ZNF827: variants seen among roughly 807,000 people sequenced by gnomAD.
ZNF827 encodes the protein zinc finger protein 827.
ZNF827 carries 13 observed loss-of-function variants against 102.4 expected under a neutral mutation model. The observed-to-expected ratio is 0.13, with a 90% CI of 0.08 to 0.20. The LOEUF (loss-of-function observed/expected upper bound fraction) is 0.20. ZNF827 is among the 10% of genes least tolerant of loss of function. The pLI, the probability that ZNF827 is intolerant of heterozygous loss-of-function variation, is 1.00. For missense variants in ZNF827, 1,103 were observed against 1,344.4 expected (o/e 0.82, Z 2.81); for synonymous variants, 523 against 536.2 (o/e 0.98, Z 0.34).
intron 8 of ZNF827, among the ~76,000 whole-genome samples, chr4:145,815,399 T>C (rs1742501676): frequency 6.6e-6 from 1 of 152,002 alleles, no homozygotes; most frequent in Non-Finnish European, 1.5e-5. Context: ...TAGCAGAAAA[T>C]GAAAAATGAA....
chr4:145,932,914 G>C (rs1478775243), intron 1 of ZNF827, among the ~76,000 whole-genome samples: 2 of 151,980 alleles, frequency 1.3e-5, no homozygotes, highest in African/African-American at 4.8e-5. Context: ...ATTTCCCTTC[G>C]AACTCTCCTA....
In ZNF827 at chr4:145,761,415, G is replaced by A; in HGVS notation, c.*201C>T. On this transcript the variant is annotated 3_prime_UTR_variant, in exon 15 of 15. Transcript: ENST00000508784. This position sits in a 1 kb window ranked among gnomAD's most constrained non-coding sequence, Gnocchi z 6.8. ...TGAGCTTGTTGGCGGTCTTGGACAG[G>A]TAGCCGCACTGGTCGCACTTGTAGT... 1.6e-6 allele frequency: 2 copies of A among 1,289,846 alleles called. No individual in the cohort carries two copies. Among genetic ancestry groups the A allele is most frequent in the Non-Finnish European group, 2.0e-6 (2 of 988,858 alleles). The allele number at this position is 1,289,846 out of a possible 1,614,324, so 79.9% of individuals were successfully genotyped here.
At chr4:145,909,928 G>A (rs959068412) in intron 1 of ZNF827, among the ~76,000 whole-genome samples, 9 of 152,182 alleles carry the variant, frequency 5.9e-5, no homozygotes, top group Non-Finnish European at 1.3e-4. Context: ...TCACAGGACA[G>A]AGACTCGGAG....
At chr4:145,840,615 GTTTCT>G (rs1375639294) in intron 7 of ZNF827, among the ~76,000 whole-genome samples, 2 of 152,132 alleles carry the variant, frequency 1.3e-5, no homozygotes, top group African/African-American at 2.4e-5. Context: ...TCTGTTTCTG[GTTTCT>G]TTTCTTAATT....
intron 8 of ZNF827, among the ~76,000 whole-genome samples, chr4:145,807,469 T>C (rs1412266181): frequency 6.6e-6 from 1 of 151,732 alleles, no homozygotes; most frequent in African/African-American, 2.4e-5. Flanking sequence ...TTCTTTTTCA[T>C]GTCCCAGTGC....
chr4:145,922,760 G>C (rs915203617), intron 1 of ZNF827, among the ~76,000 whole-genome samples: 2 of 152,184 alleles, frequency 1.3e-5, no homozygotes, highest in African/African-American at 4.8e-5. Context: ...AAGGATAACT[G>C]ACTATGGTCA....
At chr4:145,837,405 T>A (rs1180406304) in intron 7 of ZNF827, among the ~76,000 whole-genome samples, 1 of 152,172 alleles carries the variant, frequency 6.6e-6, no homozygotes, top group Admixed American at 6.5e-5. Context: ...TAAGCTCCTG[T>A]ATAGACGCTC....
chr4:145,823,355 C>A, intron 8 of ZNF827, 67 bp downstream of exon 8: 1 of 1,328,270 alleles, frequency 7.5e-7, no homozygotes, highest in South Asian at 1.2e-5. Context: ...TCTGAAAATT[C>A]ACACATTTCA....
intron 8 of ZNF827, 138 bp downstream of exon 8, chr4:145,823,283 GT>G: frequency 1.5e-6 from 1 of 661,824 alleles, no homozygotes; most frequent in Non-Finnish European, 2.5e-6. Context: ...CTTAAATTGA[GT>G]TTCTCCTTCT....
intron 1 of ZNF827, among the ~76,000 whole-genome samples, chr4:145,922,305 C>A (rs1306191275): frequency 1.3e-5 from 2 of 152,106 alleles, no homozygotes; most frequent in African/African-American, 4.8e-5. Context: ...TCCTCAAGAT[C>A]AAAACTGTTT....
chr4:145,924,914 T>C (rs1311480101), intron 1 of ZNF827, among the ~76,000 whole-genome samples: 2 of 152,328 alleles, frequency 1.3e-5, no homozygotes, highest in East Asian at 3.9e-4. Context: ...TTTTGGTTAA[T>C]GTATTAGTCT....
Position 145,765,161 on chromosome 4 carries a change from G to T in ZNF827, c.3057C>A (p.Phe1019Leu). The T allele has an allele frequency of 6.2e-7, 1 of 1,606,234 alleles. No individual in the cohort carries two copies. Among genetic ancestry groups the T allele is most frequent in the South Asian group, 1.1e-5 (1 of 88,952 alleles). ...LNSEEKPEKG[F>L]ECVFCNFVCK... ...AGACAAAGTTGCAAAAAACACATTC[G>T]AACCCTGCAAGGACCGAAGCTGGGT... The change falls in exon 13 of 15, where the codon TTC (phenylalanine) becomes TTA (leucine). Residue 1019 changes from phenylalanine to leucine, a missense_variant. Physicochemically the swap from Phe to Leu is conservative, Grantham distance 22. Transcript: ENST00000508784. The surrounding 1 kb of genome is among the most constrained non-coding windows in gnomAD (Gnocchi z 4.7).
chr4:145,936,741 G>A (rs1315651454), intron 1 of ZNF827, among the ~76,000 whole-genome samples: 1 of 152,074 alleles, frequency 6.6e-6, no homozygotes, highest in East Asian at 1.9e-4. Context: ...CACAGCCCGA[G>A]CCCGAGACAC....
chr4:145,935,838 G>C (rs1395922400), intron 1 of ZNF827, among the ~76,000 whole-genome samples: 3 of 152,106 alleles, frequency 2.0e-5, no homozygotes, highest in Non-Finnish European at 2.9e-5. Flanking sequence ...CAGGAGGTCA[G>C]GGTCAAGGTC....
intron 8 of ZNF827, among the ~76,000 whole-genome samples, chr4:145,819,372 G>A (rs528089865): frequency 5.3e-5 from 8 of 152,202 alleles, no homozygotes; most frequent in South Asian, 2.1e-4. Context: ...GAAGCTCCAC[G>A]TTGTTTAAAA....
chr4:145,909,798 T>C (rs2126919690), intron 1 of ZNF827, among the ~76,000 whole-genome samples: 1 of 152,316 alleles, frequency 6.6e-6, no homozygotes, highest in Non-Finnish European at 1.5e-5. Context: ...AATTGTCCCT[T>C]TGTAGCCTGA....
intron 7 of ZNF827, among the ~76,000 whole-genome samples, chr4:145,845,112 G>T (rs762037227): frequency 1.3e-5 from 2 of 152,152 alleles, no homozygotes; most frequent in Admixed American, 1.3e-4. Flanking sequence ...TCATATCTTG[G>T]GCTAACTCAG....
intron 8 of ZNF827, among the ~76,000 whole-genome samples, chr4:145,800,514 A>C (rs1740790018): frequency 6.6e-6 from 1 of 152,052 alleles, no homozygotes; most frequent in Non-Finnish European, 1.5e-5. Context: ...AGCTCAAGCG[A>C]TCCACCTGCC....
chr4:145,777,565 T>C (rs568547131), intron 9 of ZNF827, among the ~76,000 whole-genome samples: 2 of 152,356 alleles, frequency 1.3e-5, no homozygotes, highest in African/African-American at 4.8e-5. Flanking sequence ...TTCAGCTTTT[T>C]TTCTTAGAGC....
Sources: gnomAD v4.1 joint callset for allele counts (sites outside exome capture counted in the v4.1 genomes callset) on GRCh38, gnomAD v4.1.1 for gene constraint, Gnocchi (gnomAD v3.1) non-coding constraint, MANE v1.5 for transcripts, NCBI Gene and HGNC (gene_info 2026-07-23, HGNC 2026-07-21) for gene names.